The following TMEM132E variants were observed in gnomAD, a reference collection of about 807,000 sequenced individuals.
The protein encoded by TMEM132E is transmembrane protein 132E.
TMEM132E carries 49 observed loss-of-function variants against 78.5 expected under a neutral mutation model. That is an observed-to-expected ratio of 0.62 (90% confidence interval 0.50 to 0.79). The LOEUF (loss-of-function observed/expected upper bound fraction) is 0.79, where lower values mean the gene tolerates loss of function less well. Among genes scored for constraint, TMEM132E ranks in the 30% least tolerant of loss-of-function variants. TMEM132E has a pLI of 0.00. For synonymous variants in TMEM132E, 715 were observed against 670.6 expected, an observed-to-expected ratio of 1.07 and a Z score of -1.02; for missense variants, 1,403 against 1,470.9, an observed-to-expected ratio of 0.95 and a Z score of 0.75.
At chr17:34,587,916 A>C (rs1046399102) in intron 1 of TMEM132E, among the ~76,000 whole-genome samples, 3 of 152,150 alleles carry the variant, frequency 2.0e-5, no homozygotes, top group Admixed American at 6.5e-5. Context: ...TGGCTTTTGA[A>C]GTCATGACCC....
At chr17:34,605,150 A>T (rs551682477) in intron 1 of TMEM132E, among the ~76,000 whole-genome samples, 1 of 152,208 alleles carries the variant, frequency 6.6e-6, no homozygotes. Context: ...GTATTTTCTT[A>T]TGTAATCAGC....
chr17:34,635,668 T>G (rs536001726), intron 7 of TMEM132E: 16 of 244,408 alleles, frequency 6.5e-5, no homozygotes, highest in Non-Finnish European at 1.2e-4. Context: ...GTTCCCTCAT[T>G]TTCTAAGTTG....
At chr17:34,611,956 C>A (rs969712403) in intron 1 of TMEM132E, among the ~76,000 whole-genome samples, 2 of 152,162 alleles carry the variant, frequency 1.3e-5, no homozygotes. Context: ...CTAACTGTCC[C>A]AGTTGGCCTG....
At chr17:34,587,556 A>C (rs903663150) in intron 1 of TMEM132E, among the ~76,000 whole-genome samples, 2 of 152,138 alleles carry the variant, frequency 1.3e-5, no homozygotes, top group African/African-American at 2.4e-5. Context: ...AGGACCCCAC[A>C]ACCTTCTCAG....
chr17:34,616,363 C>T (rs1906779201), intron 1 of TMEM132E, among the ~76,000 whole-genome samples: 1 of 152,170 alleles, frequency 6.6e-6, no homozygotes, highest in Non-Finnish European at 1.5e-5. Flanking sequence ...TACAACCTGC[C>T]AGGGAGTAGG....
intron 1 of TMEM132E, among the ~76,000 whole-genome samples, chr17:34,586,467 C>T (rs905333609): frequency 2.6e-5 from 4 of 151,898 alleles, no homozygotes; most frequent in South Asian, 2.1e-4. Flanking sequence ...AGCTACTGCA[C>T]GGGTCTCTGG....
At chr17:34,588,550 T>TTGGTTGTA in intron 1 of TMEM132E, among the ~76,000 whole-genome samples, 1 of 152,308 alleles carries the variant, frequency 6.6e-6, no homozygotes. Flanking sequence ...TGCCAAGCAC[T>TTGGTTGTA]GTTCTAGGCA....
intron 1 of TMEM132E, among the ~76,000 whole-genome samples, chr17:34,616,627 G>C (rs1045762138): frequency 2.6e-5 from 4 of 152,210 alleles, no homozygotes. Flanking sequence ...CTGTGCCAGA[G>C]GAGAACCCAG....
chr17:34,601,597 A>T lies in TMEM132E; in HGVS notation c.67+20454A>T, dbSNP rs193068133. 2.9e-3 allele frequency among the ~76,000 whole-genome samples: 437 copies of T among 152,340 alleles called. 4 individuals carry two copies. Among genetic ancestry groups the T allele is most frequent in the African/African-American group, 0.01 (422 of 41,580 alleles). On this transcript the variant is annotated intron_variant, in intron 1 of 8. Coordinates refer to ENST00000631683, the MANE Select transcript of TMEM132E (RefSeq NM_001304438.2). ...GCTGTCCCTGACCACACAGGGTGAC[A>T]GTGATTAAATGCACCAGCAGCTGGG...
Position 34,626,645 on chromosome 17 carries a change from C to A in TMEM132E, c.586C>A (p.Pro196Thr), listed in dbSNP as rs1907144435. ...CACTTGTCTGGTGCGGGCAGAGCTGCCCCTGGCCTGGTTCGGGCCCCCAGC... is the reference window on the plus strand; with the variant it reads ...CACTTGTCTGGTGCGGGCAGAGCTGACCCTGGCCTGGTTCGGGCCCCCAGC... Reference protein sequence around the residue: ...LATCLVRAELPLAWFGPPAPA... With the variant: ...LATCLVRAELTLAWFGPPAPA... Residue 196 changes from proline to threonine, a missense_variant, in exon 2 of 9, where the codon CCC becomes ACC. By Grantham distance (38) the Pro-to-Thr change is conservative. Around this residue, in one of 3 missense-constraint regions of TMEM132E, gnomAD observed 511 missense variants for 499.0 expected, o/e 1.02. Transcript: ENST00000631683. The A allele has an allele frequency of 7.0e-7, 1 of 1,438,036 alleles. No homozygotes were observed. The highest frequency in any genetic ancestry group is 2.8e-5 in the Admixed American group (1 of 36,142). The allele number at this position is 1,438,036 out of a possible 1,614,324, so 89.1% of individuals were successfully genotyped here. A position where few individuals can be genotyped will look rare whatever the true frequency, so the allele number is the denominator to read the frequency against.
chr17:34,609,687 C>T (rs1181868275), intron 1 of TMEM132E, among the ~76,000 whole-genome samples: 3 of 152,150 alleles, frequency 2.0e-5, no homozygotes, highest in Non-Finnish European at 4.4e-5. Flanking sequence ...ATTGCTCATG[C>T]CGTGATGGGC....
chr17:34,633,834 A>G (rs1907429796), intron 6 of TMEM132E, among the ~76,000 whole-genome samples: 1 of 152,232 alleles, frequency 6.6e-6, no homozygotes, highest in South Asian at 2.1e-4. Flanking sequence ...ATTTCTCACC[A>G]GCTCCTGGGT....
chr17:34,588,963 A>G (rs575223199), intron 1 of TMEM132E, among the ~76,000 whole-genome samples: 1 of 152,210 alleles, frequency 6.6e-6, no homozygotes, highest in Non-Finnish European at 1.5e-5. Context: ...CATGTTGGCC[A>G]GGCTGGTCTC....
rs532969694 is a variant in TMEM132E at position 34,614,125 on chromosome 17, CCT to C, written c.68-11999_68-11998del. On this transcript the variant is annotated intron_variant, in intron 1 of 8. Transcript: ENST00000631683. The stretch of plus-strand genomic sequence containing the variant: ...CATCATGCTGGCTGGAGCAGGTAGC[CCT>C]CTGTTTCATGTGGCCTGGATTGGGC... Among the ~76,000 whole-genome samples, 255 of 152,220 alleles carry C rather than the reference CCT, an allele frequency of 1.7e-3. 2 individuals carry two copies. Among genetic ancestry groups the C allele is most frequent in the African/African-American group, 6.0e-3 (248 of 41,532 alleles).
intron 3 of TMEM132E, 26 bp downstream of exon 3, chr17:34,628,735 C>T (rs1907243958): frequency 6.4e-7 from 1 of 1,552,466 alleles, no homozygotes; most frequent in Non-Finnish European, 8.7e-7. Flanking sequence ...TGCATCTACC[C>T]ACCTCTTCGC....
At chr17:34,608,240 A>G (rs1049528784) in intron 1 of TMEM132E, among the ~76,000 whole-genome samples, 5 of 152,234 alleles carry the variant, frequency 3.3e-5, no homozygotes, top group African/African-American at 4.8e-5. Flanking sequence ...GCTCTGTGTC[A>G]GGAACAGGGA....
rs542944906 is a variant in TMEM132E at position 34,634,918 on chromosome 17, C to A, written c.1808C>A (p.Thr603Lys). 6.2e-6 allele frequency: 10 copies of A among 1,614,064 alleles called. No homozygotes were observed. Among genetic ancestry groups the A allele is most frequent in the Non-Finnish European group, 8.5e-6 (10 of 1,180,048 alleles). Residue 603 changes from threonine (T) to lysine (K), a missense_variant, in exon 7 of 9, where the codon ACG becomes AAG. This residue lies in a region of TMEM132E where 888 missense variants were observed against 952.8 expected (regional missense o/e 0.93). Transcript: ENST00000631683. ...CTGCAGGTCTTCACCCAGTTCCACA[C>A]GACATCATCCGAGGGCACTGACCAG... The part of the protein sequence containing the change: ...ATLQVFTQFH[T>K]TSSEGTDQVV...
chr17:34,596,901 G>A (rs577219389), intron 1 of TMEM132E, among the ~76,000 whole-genome samples: 231 of 145,652 alleles, frequency 1.6e-3, no homozygotes, highest in Middle Eastern at 3.6e-3. Flanking sequence ...TAATAACTCA[G>A]TGACTGCCTG....
intron 2 of TMEM132E, among the ~76,000 whole-genome samples, chr17:34,627,467 C>CGTGTGTATGTGTGTGTGTGTGTGT (rs1555564404): frequency 7.9e-6 from 1 of 126,470 alleles, no homozygotes; most frequent in Non-Finnish European, 1.7e-5. Context: ...CCAAAAGAAT[C>CGTGTGTATGTGTGTGTGTGTGTGT]GTGTGTGTGT....
Sources: allele counts gnomAD v4.1 joint callset (sites outside exome capture counted in the v4.1 genomes callset), GRCh38; gene constraint gnomAD v4.1.1; regional missense constraint gnomAD v4.1.1; transcripts MANE v1.5; gene names NCBI Gene and HGNC (gene_info 2026-07-23, HGNC 2026-07-21).